The following BRF1 variants were observed in gnomAD, a reference collection of about 807,000 sequenced individuals.
The protein encoded by BRF1 is transcription factor IIIB 90 kDa subunit.
In BRF1, 59 loss-of-function variants were observed where a neutral mutation model predicts 81.7. That is an observed-to-expected ratio of 0.72 (90% CI 0.59 to 0.90). The LOEUF (loss-of-function observed/expected upper bound fraction) is 0.90. BRF1 is among the 40% of genes least tolerant of loss of function. The probability of loss-of-function intolerance (pLI) is 0.00; values close to 1 mark genes in which losing one functional copy is unlikely to be tolerated. For missense variants in BRF1, 1,050 were observed against 936.3 expected (o/e 1.12, Z -1.58); for synonymous variants, 491 against 395.6 (o/e 1.24, Z -2.86).
rs751770016 is a variant in BRF1 at position 105,212,143 on chromosome 14, C to G, written c.1794G>C (p.Thr598=). 1 of 1,612,584 alleles carries G rather than the reference C, an allele frequency of 6.2e-7. No homozygotes were observed. Among genetic ancestry groups the G allele is most frequent in the African/African-American group, 1.3e-5 (1 of 74,938 alleles). ...VGKRLRPLVS[T]QPAKKVATGE... ...CCGTGGCCACCTTCTTTGCTGGCTG[C>G]GTAGACACCAGAGGCCTCAACCTGC... is the stretch of plus-strand genomic sequence containing the variant. Residue 598 remains threonine, a synonymous_variant, in exon 16 of 18, where the codon ACG becomes ACC. Coordinates refer to ENST00000547530, the MANE Select transcript of BRF1 (RefSeq NM_001519.4).
chr14:105,249,039 C>A, intron 5 of BRF1: 1 of 1,260,378 alleles, frequency 7.9e-7, no homozygotes, highest in Non-Finnish European at 9.9e-7. Flanking sequence ...CAACAACCAC[C>A]AGGAGAGCCC....
intron 5 of BRF1, chr14:105,248,021 C>G: frequency 1.0e-6 from 1 of 985,502 alleles, no homozygotes; most frequent in Non-Finnish European, 1.2e-6. Context: ...AGGCCCAGGG[C>G]CAGATCCTGA....
At chr14:105,228,051 C>T (rs1272063065) in intron 7 of BRF1, 1 of 152,328 alleles carries the variant, frequency 6.6e-6, no homozygotes, top group African/African-American at 2.4e-5. Flanking sequence ...CAAAGCCCCA[C>T]CCCTGCCTGC....
chr14:105,279,046 G>A (rs11849607), intron 2 of BRF1, among the ~76,000 whole-genome samples: 38,471 of 151,528 alleles, frequency 0.25, 5,051 homozygotes, highest in South Asian at 0.28. Context: ...CCATGTCAAA[G>A]AAAAAAATTA....
upstream of BRF1, among the ~76,000 whole-genome samples, chr14:105,305,291 A>G (rs1255537788): frequency 6.6e-6 from 1 of 152,052 alleles, no homozygotes; most frequent in African/African-American, 2.4e-5. Context: ...AGTCCCAGCT[A>G]CTTGGGAGGC....
chr14:105,300,549 G>C lies in BRF1; in HGVS notation c.81C>G (p.Ala27=). ...TGTTGTCCTCCAGCACTGAGCCGCAGGCGGTGCACACCGCGTCCCCGCGCG... is the reference window on the plus strand; with the variant it reads ...TGTTGTCCTCCAGCACTGAGCCGCACGCGGTGCACACCGCGTCCCCGCGCG... ...DAARGDAVCT[A]CGSVLEDNII... The change falls in exon 1 of 18, where the codon GCC becomes GCG. Residue 27 remains alanine, a synonymous_variant. Coordinates refer to ENST00000547530, the MANE Select transcript of BRF1 (RefSeq NM_001519.4). 1 of 1,522,576 alleles carries C rather than the reference G, an allele frequency of 6.6e-7. No individual in the cohort carries two copies. Among genetic ancestry groups the C allele is most frequent in the Non-Finnish European group, 8.8e-7 (1 of 1,138,954 alleles). 94.3% of individuals were successfully genotyped at this position (1,522,576 alleles called of 1,614,324 possible). A position where few individuals can be genotyped will look rare whatever the true frequency, so the allele number is the denominator to read the frequency against.
chr14:105,263,230 C>A (rs1260920940), intron 3 of BRF1, among the ~76,000 whole-genome samples: 1 of 122,736 alleles, frequency 8.1e-6, no homozygotes, highest in Non-Finnish European at 1.7e-5. Context: ...GAGTAAGACT[C>A]CATCAAAAAA....
At position 105,210,583 on chromosome 14, in the gene BRF1, C is replaced by T. The variant is rs2141334642; in HGVS notation, c.2002G>A (p.Gly668Ser). 3 of 1,611,860 alleles carry T rather than the reference C, an allele frequency of 1.9e-6. No homozygotes were observed. The East Asian group carries it at 6.7e-5, about 36-fold the overall frequency. ...CCGTCGTCCTCATCGCCATCACAGCCATAGTCTGCAGAAGAGCACAGTCAT... is the reference window on the plus strand; with the variant it reads ...CCGTCGTCCTCATCGCCATCACAGCTATAGTCTGCAGAAGAGCACAGTCAT... ...ALQMMGSNDY[G>S]CDGDEDDGY Residue 668 changes from glycine (G) to serine (S), a missense_variant, in exon 18 of 18, where the codon GGC becomes AGC. Around this residue, in one of 2 missense-constraint regions of BRF1, gnomAD observed 1,043 missense variants for 915.4 expected, o/e 1.14. Transcript: ENST00000547530. This position sits in a 1 kb window ranked among gnomAD's most constrained non-coding sequence, Gnocchi z 4.7.
intron 5 of BRF1, 186 bp from the exon 6 acceptor site, chr14:105,241,600 A>T (rs1049829458): frequency 2.6e-6 from 2 of 765,324 alleles, no homozygotes; most frequent in Non-Finnish European, 4.1e-6. Flanking sequence ...CACCGAACCC[A>T]GGAGAGCCAC....
chr14:105,287,467 G>A (rs1190051344), intron 1 of BRF1, among the ~76,000 whole-genome samples: 1 of 152,070 alleles, frequency 6.6e-6, no homozygotes, highest in Non-Finnish European at 1.5e-5. Context: ...CAGTGCATTT[G>A]TGACAAAGCA....
At chr14:105,261,601 G>C (rs2056154648) in intron 3 of BRF1, among the ~76,000 whole-genome samples, 1 of 152,224 alleles carries the variant, frequency 6.6e-6, no homozygotes, top group African/African-American at 2.4e-5. Flanking sequence ...ACATAAGGCA[G>C]AACTAAAACT....
rs1237382127 is a variant in BRF1 at position 105,300,532 on chromosome 14, TC to T, written c.97del (p.Glu33ArgfsTer43). ...AVCTACGSVL[E>X]DNIIVSEVQF... ...CACCTCGGACACGATGATGTTGTCC[TC>T]CAGCACTGAGCCGCAGGCGGTGCAC... On this transcript the variant is annotated frameshift_variant, in exon 1 of 18. Transcript: ENST00000547530. LOFTEE classifies it high-confidence loss of function. The T allele has an allele frequency of 6.5e-7, 1 of 1,531,470 alleles. No individual in the cohort carries two copies. The highest frequency in any genetic ancestry group is 2.0e-5 in the Admixed American group (1 of 50,164). The allele number at this position is 1,531,470 out of a possible 1,614,324, so 94.9% of individuals were successfully genotyped here.
intron 3 of BRF1, among the ~76,000 whole-genome samples, chr14:105,260,425 G>A (rs587679480): frequency 1.9e-4 from 29 of 151,976 alleles, no homozygotes; most frequent in African/African-American, 6.3e-4. Context: ...AGGCTGGAGT[G>A]CAATGGTACA....
chr14:105,279,803 G>C (rs1166955065), intron 2 of BRF1, among the ~76,000 whole-genome samples: 1 of 152,194 alleles, frequency 6.6e-6, no homozygotes, highest in African/African-American at 2.4e-5. Flanking sequence ...AAACACCCTA[G>C]ACGTCCATCA....
Position 105,217,756 on chromosome 14 carries a change from G to A in BRF1, c.1560C>T (p.Thr520=), listed in dbSNP as rs141859464. 7.4e-4 allele frequency: 1,201 copies of A among 1,613,278 alleles called. 1 individual carries two copies. Among genetic ancestry groups the A allele is most frequent in the Non-Finnish European group, 9.5e-4 (1,121 of 1,179,980 alleles). ...CKRREPIQAS[T]AREAIEKMLE... ...GCATCTTCTCGATGGCCTCCCTGGCGGTACTGGCCTGAATTGGCTCCCGTC... is the reference window on the plus strand; with the variant it reads ...GCATCTTCTCGATGGCCTCCCTGGCAGTACTGGCCTGAATTGGCTCCCGTC... Residue 520 remains threonine, a synonymous_variant, in exon 15 of 18, where the codon ACC becomes ACT. Coordinates refer to ENST00000547530, the MANE Select transcript of BRF1 (RefSeq NM_001519.4).
intron 11 of BRF1, among the ~76,000 whole-genome samples, chr14:105,220,454 C>T (rs1311873845): frequency 1.3e-5 from 2 of 152,194 alleles, no homozygotes; most frequent in African/African-American, 2.4e-5. Context: ...CGAGGGAGGG[C>T]ACGGAAGCTG....
Position 105,314,853 on chromosome 14 carries a change from C to T in BRF1, c.-162+469G>A, listed in dbSNP as rs929018399. On this transcript the variant is annotated intron_variant, in intron 1 of 17. Transcript: ENST00000327359. ...GCCGCCGCCCTCCGCGCGCCCGGCC[C>T]GCCCGCCGCGCGTCCGCGGCCCGGC... The T allele has an allele frequency of 3.5e-5, 26 of 736,874 alleles. No individual in the cohort carries two copies. In the African/African-American group the frequency reaches 4.3e-4, roughly 12 times the overall value. 45.6% of individuals were successfully genotyped at this position (736,874 alleles called of 1,614,324 possible).
At chr14:105,274,720 TGCAGA>T (rs1190056628) in intron 2 of BRF1, among the ~76,000 whole-genome samples, 1 of 152,220 alleles carries the variant, frequency 6.6e-6, no homozygotes, top group Admixed American at 6.5e-5. Flanking sequence ...CCACTCTGTC[TGCAGA>T]GCACAGGCTG....
intron 6 of BRF1, among the ~76,000 whole-genome samples, chr14:105,229,723 C>T (rs1469876790): frequency 5.4e-4 from 38 of 70,976 alleles, no homozygotes; most frequent in African/African-American, 2.0e-3. Flanking sequence ...CACCACTGTC[C>T]GCGTAGTCGC....
Sources: gnomAD v4.1 joint callset for allele counts (sites outside exome capture counted in the v4.1 genomes callset) on GRCh38, gnomAD v4.1.1 for gene constraint, gnomAD v4.1.1 regional missense constraint, Gnocchi (gnomAD v3.1) non-coding constraint, MANE v1.5 for transcripts, NCBI Gene and HGNC (gene_info 2026-07-23, HGNC 2026-07-21) for gene names.